Variants in SEMA6D observed in about 807,000 individuals in gnomAD.
The protein encoded by SEMA6D is semaphorin-6D.
In SEMA6D, 35 loss-of-function variants were observed where a neutral mutation model predicts 106.6. The observed-to-expected ratio is 0.33, with a 90% CI of 0.25 to 0.44. The LOEUF (loss-of-function observed/expected upper bound fraction) is 0.44. SEMA6D is among the 20% of genes least tolerant of loss of function. SEMA6D has a pLI of 1.00. For synonymous variants in SEMA6D, 499 were observed against 487.7 expected, an observed-to-expected ratio of 1.02 and a Z score of -0.31; for missense variants, 1,185 against 1,345.9, an observed-to-expected ratio of 0.88 and a Z score of 1.87.
rs2032044966 is a variant in SEMA6D at position 47,229,596 on chromosome 15, T to G, written c.-239+45178T>G. 1.3e-5 allele frequency among the ~76,000 whole-genome samples: 2 copies of G among 150,174 alleles called. 1 individual carries two copies. The highest frequency in any genetic ancestry group is 4.1e-4 in the South Asian group (2 of 4,824). Reference sequence around the variant, plus strand: ...GTCCAGACTCTATACTTTATATGCATACTGTTCACTTCTGCATACCTTTGG... The same window carrying G: ...GTCCAGACTCTATACTTTATATGCAGACTGTTCACTTCTGCATACCTTTGG... On this transcript the variant is annotated intron_variant, in intron 1 of 19. Coordinates refer to the SEMA6D transcript ENST00000558014.
intron 2 of SEMA6D, among the ~76,000 whole-genome samples, chr15:47,456,153 A>G (rs2042339738): frequency 6.6e-6 from 1 of 151,962 alleles, no homozygotes; most frequent in African/African-American, 2.4e-5. Context: ...TGACCAAACA[A>G]GGTGTTGGAG....
intron 4 of SEMA6D, among the ~76,000 whole-genome samples, chr15:47,707,872 C>G (rs1445182915): frequency 6.6e-6 from 1 of 152,180 alleles, no homozygotes; most frequent in South Asian, 2.1e-4. Flanking sequence ...CCCCATTAAC[C>G]TTTTCCACCT....
At chr15:47,359,602 G>T (rs1481810382) in intron 1 of SEMA6D, 1 of 152,102 alleles carries the variant, frequency 6.6e-6, no homozygotes, top group East Asian at 1.9e-4. Flanking sequence ...AGCACTGAAA[G>T]TTACCTTAAA....
intron 1 of SEMA6D, among the ~76,000 whole-genome samples, chr15:47,333,218 G>A (rs1249675069): frequency 3.3e-5 from 5 of 152,122 alleles, no homozygotes; most frequent in Non-Finnish European, 7.4e-5. Flanking sequence ...ATTCTGGCTA[G>A]ATAAGTCATG....
intron 4 of SEMA6D, among the ~76,000 whole-genome samples, chr15:47,689,596 G>C (rs1054931228): frequency 4.6e-5 from 7 of 152,214 alleles, no homozygotes; most frequent in African/African-American, 1.7e-4. Context: ...AAATGAGGAA[G>C]GGCCTCTACT....
intron 1 of SEMA6D, chr15:47,412,312 C>G (rs1567061676): frequency 6.6e-6 from 1 of 152,536 alleles, no homozygotes; most frequent in Non-Finnish European, 1.5e-5. Flanking sequence ...ACCAAGCTTG[C>G]CGGCAGTGCT....
intron 1 of SEMA6D, among the ~76,000 whole-genome samples, chr15:47,310,395 G>T (rs1164176537): frequency 6.6e-6 from 1 of 152,108 alleles, no homozygotes; most frequent in East Asian, 1.9e-4. Flanking sequence ...GCTATTGTTT[G>T]TGTTTGTAGA....
chr15:47,383,418 C>T (rs1299130153), intron 1 of SEMA6D, among the ~76,000 whole-genome samples: 5 of 152,202 alleles, frequency 3.3e-5, no homozygotes, highest in African/African-American at 1.2e-4. Context: ...TATGATTGGT[C>T]TCTAACTCCT....
intron 16 of SEMA6D, 120 bp from the exon 17 acceptor site, chr15:47,766,917 G>A (rs1246467397): frequency 4.8e-6 from 3 of 629,458 alleles, no homozygotes; most frequent in East Asian, 6.1e-5. Flanking sequence ...CTAACCAGTA[G>A]GTTAATATTT....
chr15:47,305,311 G>A (rs1287023280), intron 1 of SEMA6D, among the ~76,000 whole-genome samples: 1 of 152,166 alleles, frequency 6.6e-6, no homozygotes, highest in East Asian at 1.9e-4. Context: ...TACTGAGTGT[G>A]GCCCATGGGA....
intron 3 of SEMA6D, among the ~76,000 whole-genome samples, chr15:47,599,052 G>A (rs12442865): frequency 0.17 from 26,120 of 151,950 alleles, 2,582 homozygotes; most frequent in African/African-American, 0.25. Flanking sequence ...AAAGCTTATC[G>A]ATGAGCATTC....
rs745340901 is a variant in SEMA6D, at chr15:47,770,881, C to T, written c.2318C>T (p.Thr773Ile). Reference sequence around the variant, plus strand: ...CCTCCAGAGTTGGCTGCTCTTCCTACTCCTGAGTCTACACCCGTGCTTCAC... The same window carrying T: ...CCTCCAGAGTTGGCTGCTCTTCCTATTCCTGAGTCTACACCCGTGCTTCAC... ...GQPPELAALP[T>I]PESTPVLHQK... is the part of the protein sequence containing the mutation. The change falls in exon 19 of 19, where the codon ACT becomes ATT. Residue 773 changes from threonine (T) to isoleucine (I), a missense_variant. Physicochemically the swap from Thr to Ile is moderately conservative, Grantham distance 89 (BLOSUM62 -1). Transcript: ENST00000536845. 1 of 1,614,050 alleles carries T rather than the reference C, an allele frequency of 6.2e-7. No individual in the cohort carries two copies. Among genetic ancestry groups the T allele is most frequent in the South Asian group, 1.1e-5 (1 of 91,082 alleles).
chr15:47,367,248 C>A (rs281274), intron 1 of SEMA6D, among the ~76,000 whole-genome samples: 1 of 151,968 alleles, frequency 6.6e-6, no homozygotes, highest in East Asian at 1.9e-4. Context: ...TCCTTCCCCC[C>A]CTTCTTCAAA....
intron 3 of SEMA6D, among the ~76,000 whole-genome samples, chr15:47,517,035 C>T (rs1380432438): frequency 1.3e-5 from 2 of 152,132 alleles, no homozygotes; most frequent in African/African-American, 4.8e-5. Context: ...GGAGTCAGTG[C>T]TACTCTCTTG....
intron 1 of SEMA6D, among the ~76,000 whole-genome samples, chr15:47,357,359 T>G (rs1211136628): frequency 6.6e-6 from 1 of 151,814 alleles, no homozygotes; most frequent in Non-Finnish European, 1.5e-5. Flanking sequence ...AATAAATAAA[T>G]AAAATGGGAC....
At chr15:47,363,414 G>A (rs1256235203) in intron 1 of SEMA6D, among the ~76,000 whole-genome samples, 2 of 152,076 alleles carry the variant, frequency 1.3e-5, no homozygotes, top group Non-Finnish European at 2.9e-5. Flanking sequence ...TTACATGTGG[G>A]GTGGCTTTTT....
At chr15:47,543,815 C>T (rs1019611281) in intron 3 of SEMA6D, among the ~76,000 whole-genome samples, 2 of 151,994 alleles carry the variant, frequency 1.3e-5, no homozygotes, top group Admixed American at 6.6e-5. Flanking sequence ...TAAATTGATT[C>T]TGGGTACTTT....
intron 1 of SEMA6D, among the ~76,000 whole-genome samples, chr15:47,220,227 A>G (rs2031065595): frequency 3.3e-5 from 5 of 152,176 alleles, no homozygotes; most frequent in Admixed American, 3.3e-4. Flanking sequence ...GAAGTGGAGA[A>G]TTGGAGCCCT....
At chr15:47,390,165 C>T (rs1442896805) in intron 1 of SEMA6D, among the ~76,000 whole-genome samples, 1 of 152,052 alleles carries the variant, frequency 6.6e-6, no homozygotes, top group East Asian at 1.9e-4. Flanking sequence ...CTTAGCTGGA[C>T]TTGATGCCAA....
Sources: allele counts gnomAD v4.1 joint callset (sites outside exome capture counted in the v4.1 genomes callset), GRCh38; gene constraint gnomAD v4.1.1; transcripts MANE v1.5; gene names NCBI Gene and HGNC (gene_info 2026-07-23, HGNC 2026-07-21).